The following DIAPH2 variants were observed in gnomAD, a reference collection of about 807,000 sequenced individuals.
DIAPH2 encodes protein diaphanous homolog 2.
DIAPH2 carries 35 observed loss-of-function variants against 92.7 expected under a neutral mutation model. The ratio of observed to expected loss-of-function variants is 0.38; its 90% CI spans 0.29 to 0.50. DIAPH2 has a LOEUF of 0.50. Among genes scored for constraint, DIAPH2 ranks in the 20% least tolerant of loss-of-function variants. The pLI, the probability that DIAPH2 is intolerant of heterozygous loss-of-function variation, is 0.94. For synonymous variants in DIAPH2, 301 were observed against 280.4 expected (o/e 1.07, Z -0.73); for missense variants, 701 against 819.5 (o/e 0.86, Z 1.77).
At chrX:97,471,412 C>T (rs759648541) in intron 26 of DIAPH2, among the ~76,000 whole-genome samples, 3 of 111,436 alleles carry the variant, frequency 2.7e-5, no homozygotes, top group African/African-American at 6.5e-5. Context: ...AAGAATGGGC[C>T]GGGCATGGTG....
intron 26 of DIAPH2, among the ~76,000 whole-genome samples, chrX:97,510,387 T>C (rs2070878252): frequency 8.9e-6 from 1 of 111,862 alleles, no homozygotes; most frequent in South Asian, 3.7e-4. Context: ...TTGTTTGAGT[T>C]CATTGTAGAT....
intron 23 of DIAPH2, among the ~76,000 whole-genome samples, chrX:97,315,061 T>C (rs1387267963): frequency 8.9e-6 from 1 of 112,046 alleles, no homozygotes; most frequent in Non-Finnish European, 1.9e-5. Flanking sequence ...ATTGACTGAA[T>C]GCTTAGTTTT....
chrX:97,219,098 G>A (rs1305361842), intron 22 of DIAPH2, among the ~76,000 whole-genome samples: 1 of 112,123 alleles, frequency 8.9e-6, no homozygotes, highest in Non-Finnish European at 1.9e-5. Flanking sequence ...AGTGTACCAT[G>A]AATATGTTTT....
chrX:96,957,773 C>T (rs1446326861), intron 15 of DIAPH2, 55 bp from the exon 16 acceptor site: 3 of 848,783 alleles, frequency 3.5e-6, no homozygotes, highest in Non-Finnish European at 5.1e-6. Flanking sequence ...TATATTTCTT[C>T]AGTTTTTTCA....
At chrX:97,180,464 C>G (rs955711367) in intron 22 of DIAPH2, among the ~76,000 whole-genome samples, 26 of 111,797 alleles carry the variant, frequency 2.3e-4, no homozygotes, top group Non-Finnish European at 4.5e-4. Context: ...TACATGTTTA[C>G]TCTGATGCTA....
intron 22 of DIAPH2, among the ~76,000 whole-genome samples, chrX:97,166,599 A>G (rs1022400739): frequency 8.9e-6 from 1 of 112,209 alleles, no homozygotes; most frequent in Non-Finnish European, 1.9e-5. Context: ...GTTGTGTTTC[A>G]TATTTTTTAA....
chrX:96,729,876 A>G (rs967587380), intron 1 of DIAPH2, among the ~76,000 whole-genome samples: 13 of 112,317 alleles, frequency 1.2e-4, no homozygotes, highest in African/African-American at 3.9e-4. Context: ...GTATTGCTCT[A>G]CTAAAATGAT....
chrX:97,543,847 C>T (rs146063185), intron 26 of DIAPH2, among the ~76,000 whole-genome samples: 1,237 of 110,927 alleles, frequency 0.011, 24 homozygotes, highest in African/African-American at 0.039. Flanking sequence ...ATAGTGCTCC[C>T]GGTACAGCCT....
chrX:97,496,168 CTTTTTT>C (rs10632820), intron 26 of DIAPH2, among the ~76,000 whole-genome samples: 1 of 54,098 alleles, frequency 1.8e-5, no homozygotes, highest in Admixed American at 3.3e-4. Context: ...GAATTGGTAC[CTTTTTT>C]TTTTTTTTTT....
At chrX:96,738,869 G>A in intron 3 of DIAPH2, 107 bp downstream of exon 3, 1 of 557,826 alleles carries the variant, frequency 1.8e-6, no homozygotes, top group South Asian at 6.7e-5. Context: ...ATCACATAAA[G>A]AAGAGACCAG....
chrX:97,354,151 C>A, intron 24 of DIAPH2, among the ~76,000 whole-genome samples: 1 of 110,832 alleles, frequency 9.0e-6, no homozygotes, highest in Non-Finnish European at 1.9e-5. Flanking sequence ...TCTCTCCAAG[C>A]CCACTGACAC....
At chrX:97,437,763 C>CAG (rs1189765881) in intron 26 of DIAPH2, among the ~76,000 whole-genome samples, 40 of 87,153 alleles carry the variant, frequency 4.6e-4, no homozygotes, top group Non-Finnish European at 6.5e-4. Flanking sequence ...CATGATTTTA[C>CAG]ACACACACAC....
intron 22 of DIAPH2, among the ~76,000 whole-genome samples, chrX:97,241,222 A>G (rs2068090380): frequency 8.9e-6 from 1 of 112,396 alleles, no homozygotes; most frequent in African/African-American, 3.2e-5. Flanking sequence ...ACATAAAACT[A>G]CTTAGAATAA....
chrX:97,483,481 G>A (rs188192515), intron 26 of DIAPH2, among the ~76,000 whole-genome samples: 40 of 112,054 alleles, frequency 3.6e-4, no homozygotes, highest in African/African-American at 1.3e-3. Flanking sequence ...TGGATTGTAT[G>A]CCCTGTCATT....
Position 96,711,201 on chromosome X carries a change from G to T in DIAPH2, c.133-24557G>T, listed in dbSNP as rs138996785. Among the ~76,000 whole-genome samples the T allele has an allele frequency of 6.8e-4, 76 of 111,789 alleles. 2 individuals are homozygous for T. In the East Asian group the frequency reaches 0.018, roughly 26 times the overall value. On this transcript the variant is annotated intron_variant, in intron 1 of 26. Transcript: ENST00000324765. ...TGACTTCTTTTCCTTTGGGTAGTGG[G>T]ATTGCTGGATTAAATGGTAGATCTA...
At chrX:97,180,022 G>A (rs959825135) in intron 22 of DIAPH2, among the ~76,000 whole-genome samples, 1 of 111,704 alleles carries the variant, frequency 9.0e-6, no homozygotes, top group Non-Finnish European at 1.9e-5. Flanking sequence ...GGAATTATGG[G>A]ACTAGAATTC....
chrX:96,780,941 G>A (rs1160845937), intron 4 of DIAPH2, among the ~76,000 whole-genome samples: 1 of 108,458 alleles, frequency 9.2e-6, no homozygotes, highest in Non-Finnish European at 1.9e-5. Flanking sequence ...TGAGTAGCTA[G>A]GATTATAGGC....
chrX:97,589,933 T>G (rs956175640), intron 26 of DIAPH2, among the ~76,000 whole-genome samples: 1 of 112,488 alleles, frequency 8.9e-6, no homozygotes, highest in African/African-American at 3.2e-5. Flanking sequence ...AACTTTTGAC[T>G]GGCTTCTACC....
intron 22 of DIAPH2, among the ~76,000 whole-genome samples, chrX:97,149,490 G>A (rs940986296): frequency 1.8e-5 from 2 of 110,204 alleles, no homozygotes; most frequent in African/African-American, 6.6e-5. Context: ...CCAGCACTTT[G>A]GGAGGCCGAG....
Sources: allele counts gnomAD v4.1 joint callset (sites outside exome capture counted in the v4.1 genomes callset), GRCh38; gene constraint gnomAD v4.1.1; transcripts MANE v1.5; gene names NCBI Gene and HGNC (gene_info 2026-07-23, HGNC 2026-07-21).